AGAP1: variants seen among roughly 807,000 people sequenced by gnomAD.
The protein encoded by AGAP1 is arf-GAP with GTPase, ANK repeat and PH domain-containing protein 1.
In AGAP1, 29 loss-of-function variants were observed where a neutral mutation model predicts 105.3. The ratio of observed to expected loss-of-function variants is 0.28; its 90% CI spans 0.21 to 0.38. AGAP1 has a LOEUF of 0.38. Ranked by LOEUF, AGAP1 falls within the 10% of genes least tolerant of loss-of-function variation. The pLI, the probability that AGAP1 is intolerant of heterozygous loss-of-function variation, is 1.00. For synonymous variants in AGAP1, 509 were observed against 485.9 expected (o/e 1.05, Z -0.63); for missense variants, 998 against 1,165.1 (o/e 0.86, Z 2.09).
rs573035336 is a variant in AGAP1, at chr2:235,668,210, A to G, written c.164-40969A>G. ...TCAAGATAAATAAAGTGAATCACCTAGCAGTCACTCTGACTTATTTCATTA... is the reference window on the plus strand; with the variant it reads ...TCAAGATAAATAAAGTGAATCACCTGGCAGTCACTCTGACTTATTTCATTA... On this transcript the variant is annotated intron_variant, in intron 1 of 17. Transcript: ENST00000304032. Among the ~76,000 whole-genome samples the G allele has an allele frequency of 1.1e-4, 16 of 152,314 alleles. No individual in the cohort carries two copies. In the East Asian group the frequency reaches 2.5e-3, roughly 24 times the overall value.
Position 235,951,791 on chromosome 2 carries a change from T to G in AGAP1, c.1484-16671T>G, listed in dbSNP as rs997951803. ...GAGTTACACCACACCAGTCTCCCAG[T>G]CCCATCACACACAGGCAGTTTTTAC... is the stretch of plus-strand genomic sequence containing the variant. On this transcript the variant is annotated intron_variant, in intron 12 of 17. Transcript: ENST00000304032. The surrounding 1 kb of genome is among the most constrained non-coding windows in gnomAD (Gnocchi z 4.2). 2.0e-5 allele frequency among the ~76,000 whole-genome samples: 3 copies of G among 151,940 alleles called. No individual in the cohort carries two copies. Among genetic ancestry groups the G allele is most frequent in the African/African-American group, 7.3e-5 (3 of 41,360 alleles).
intron 9 of AGAP1, among the ~76,000 whole-genome samples, chr2:235,850,282 A>T (rs1445258400): frequency 6.6e-6 from 1 of 152,216 alleles, no homozygotes; most frequent in Non-Finnish European, 1.5e-5. Context: ...GTGGTCTGTT[A>T]TATCTAAATG....
chr2:235,793,507 T>A lies in AGAP1; in HGVS notation c.674-4252T>A, dbSNP rs572806989. Among the ~76,000 whole-genome samples the A allele has an allele frequency of 2.6e-5, 4 of 152,320 alleles. No individual in the cohort carries two copies. The East Asian group carries it at 7.7e-4, about 29-fold the overall frequency. On this transcript the variant is annotated intron_variant, in intron 6 of 17. Transcript: ENST00000304032. This position sits in a 1 kb window ranked among gnomAD's most constrained non-coding sequence, Gnocchi z 5.3. Reference sequence around the variant, plus strand: ...GGTGTTCGATTGCCACATGGTGGTGTCATGAGCAGTCCCAGAGCCGTCGGA... The same window carrying A: ...GGTGTTCGATTGCCACATGGTGGTGACATGAGCAGTCCCAGAGCCGTCGGA...
chr2:235,576,762 T>C (rs1369343883), intron 1 of AGAP1, among the ~76,000 whole-genome samples: 1 of 152,244 alleles, frequency 6.6e-6, no homozygotes, highest in Non-Finnish European at 1.5e-5. Context: ...CTGCAGCTCC[T>C]CATGGAGAGA....
chr2:235,703,809 C>G (rs1340982264), intron 1 of AGAP1, among the ~76,000 whole-genome samples: 3 of 152,196 alleles, frequency 2.0e-5, no homozygotes, highest in Admixed American at 6.5e-5. Context: ...GTTGACGAGG[C>G]TAGTCTGGAA....
chr2:235,801,820 C>A lies in AGAP1; in HGVS notation c.957+2298C>A, dbSNP rs562489247. Among the ~76,000 whole-genome samples, 5 of 152,168 alleles carry A rather than the reference C, an allele frequency of 3.3e-5. No individual in the cohort carries two copies. The South Asian group carries it at 6.2e-4, about 19-fold the overall frequency. ...GGGGGAGAGCACTCATTCTCAGACG[C>A]CTTCTGAGGGCCACATTTTCTGCTT... is the stretch of plus-strand genomic sequence containing the variant. On this transcript the variant is annotated intron_variant, in intron 8 of 17. Coordinates refer to ENST00000304032, the MANE Select transcript of AGAP1 (RefSeq NM_001037131.3). This position sits in a 1 kb window ranked among gnomAD's most constrained non-coding sequence, Gnocchi z 6.0.
Position 236,062,664 on chromosome 2 carries a change from T to TTG in AGAP1, c.2114+13384_2114+13385insGT, listed in dbSNP as rs570168390. 1.4e-4 allele frequency among the ~76,000 whole-genome samples: 21 copies of TTG among 147,096 alleles called. No homozygotes were observed. The highest frequency in any genetic ancestry group is 5.6e-4 in the African/African-American group (21 of 37,444). ...CTATTTTGTTTGTTTGTTTGTTTGT[T>TTG]TTTGTTTGTTTGTTTGAGATGGAAT... On this transcript the variant is annotated intron_variant, in intron 16 of 17. Coordinates refer to ENST00000304032, the MANE Select transcript of AGAP1 (RefSeq NM_001037131.3). This position sits in a 1 kb window ranked among gnomAD's most constrained non-coding sequence, Gnocchi z 4.2.
chr2:235,558,592 G>A (rs1398554121), intron 1 of AGAP1, among the ~76,000 whole-genome samples: 11 of 152,138 alleles, frequency 7.2e-5, no homozygotes, highest in Admixed American at 7.2e-4. Flanking sequence ...ACCCCAGAGA[G>A]GCCAGCCTAC....
chr2:235,911,556 G>T (rs1446279064), intron 11 of AGAP1, among the ~76,000 whole-genome samples: 1 of 152,206 alleles, frequency 6.6e-6, no homozygotes, highest in African/African-American at 2.4e-5. Flanking sequence ...TGCCACTGTT[G>T]TCCTAAGGGA....
chr2:236,064,583 G>A (rs1325770749), intron 16 of AGAP1, among the ~76,000 whole-genome samples: 2 of 152,124 alleles, frequency 1.3e-5, no homozygotes, highest in African/African-American at 2.4e-5. Flanking sequence ...ACAACAGAGC[G>A]GGACTCCGTC....
chr2:235,670,700 A>T, intron 1 of AGAP1: 1 of 742,846 alleles, frequency 1.3e-6, no homozygotes, highest in Non-Finnish European at 2.3e-6. Context: ...CGCGACCGCC[A>T]CGCAGCCCGC....
Position 235,717,634 on chromosome 2 carries a change from G to A in AGAP1, c.300G>A (p.Glu100=). The change falls in exon 3 of 18, where the codon GAG becomes GAA. Residue 100 remains glutamate, a synonymous_variant. Coordinates refer to ENST00000304032, the MANE Select transcript of AGAP1 (RefSeq NM_001037131.3). ...RYLTGTYVQE[E]SPEGGRFKKE... is the part of the protein sequence containing the mutation. ...TGACGGGCACATATGTCCAGGAGGA[G>A]TCTCCGGAAGGTATGCTGTTTGGCA... The A allele has an allele frequency of 6.2e-7, 1 of 1,601,186 alleles. No individual in the cohort carries two copies. The highest frequency in any genetic ancestry group is 8.5e-7 in the Non-Finnish European group (1 of 1,177,216).
chr2:236,104,698 G>A lies in AGAP1; in HGVS notation c.2115-15494G>A, dbSNP rs2125916934. ...AAGGGCAGGAGGTCAAGTCTAGCCTGGCCAACATGGTGAAACCCCGTCTCT... is the reference window on the plus strand; with the variant it reads ...AAGGGCAGGAGGTCAAGTCTAGCCTAGCCAACATGGTGAAACCCCGTCTCT... On this transcript the variant is annotated intron_variant, in intron 16 of 17. Transcript: ENST00000304032. The surrounding 1 kb of genome is among the most constrained non-coding windows in gnomAD (Gnocchi z 4.7). Among the ~76,000 whole-genome samples, 1 of 152,204 alleles carries A rather than the reference G, an allele frequency of 6.6e-6. No homozygotes were observed. Among genetic ancestry groups the A allele is most frequent in the East Asian group, 1.9e-4 (1 of 5,182 alleles).
intron 1 of AGAP1, among the ~76,000 whole-genome samples, chr2:235,515,515 T>G (rs902487754): frequency 6.6e-6 from 1 of 152,156 alleles, no homozygotes; most frequent in African/African-American, 2.4e-5. Context: ...TCCACTGGAA[T>G]GGGGAAGGGC....
At chr2:235,632,451 G>A (rs374776463) in intron 1 of AGAP1, among the ~76,000 whole-genome samples, 41 of 152,326 alleles carry the variant, frequency 2.7e-4, no homozygotes, top group Non-Finnish European at 4.9e-4. Context: ...CATTACGCTT[G>A]CAGTAGTCAG....
rs760533906 is a variant in AGAP1, at chr2:236,040,753, C to G, written c.1803C>G (p.Ser601=). The G allele has an allele frequency of 1.2e-6, 2 of 1,613,160 alleles. No homozygotes were observed. Among genetic ancestry groups the G allele is most frequent in the Admixed American group, 1.7e-5 (1 of 60,028 alleles). ...TTTGTGTCTTCCTCCGTGCCCAGTCCCGGCTGACGAGCCAGAGCGAGGCCA... is the reference window on the plus strand; with the variant it reads ...TTTGTGTCTTCCTCCGTGCCCAGTCGCGGCTGACGAGCCAGAGCGAGGCCA... ...LQSCESSKNK[S]RLTSQSEAMA... The change falls in exon 15 of 18, where the codon TCC becomes TCG. Residue 601 remains serine, a splice_region_variant and synonymous_variant. Coordinates refer to ENST00000304032, the MANE Select transcript of AGAP1 (RefSeq NM_001037131.3). The surrounding 1 kb of genome is among the most constrained non-coding windows in gnomAD (Gnocchi z 5.6).
intron 1 of AGAP1, among the ~76,000 whole-genome samples, chr2:235,558,399 T>C (rs538427536): frequency 7.2e-5 from 11 of 152,264 alleles, no homozygotes; most frequent in African/African-American, 1.7e-4. Context: ...CTGGGAGATA[T>C]GTGTATGATT....
intron 10 of AGAP1, among the ~76,000 whole-genome samples, chr2:235,903,067 A>G (rs776280833): frequency 2.6e-5 from 4 of 152,206 alleles, no homozygotes; most frequent in Admixed American, 6.5e-5. Context: ...AAAGGCAAGT[A>G]CTGTATCTGA....
chr2:235,540,994 A>G (rs1943415653), intron 1 of AGAP1, among the ~76,000 whole-genome samples: 1 of 152,188 alleles, frequency 6.6e-6, no homozygotes, highest in Non-Finnish European at 1.5e-5. Context: ...TTTTTTTAAT[A>G]CAAGTAATAT....
Sources: allele counts gnomAD v4.1 joint callset (sites outside exome capture counted in the v4.1 genomes callset), GRCh38; gene constraint gnomAD v4.1.1; non-coding constraint Gnocchi (gnomAD v3.1); transcripts MANE v1.5; gene names NCBI Gene and HGNC (gene_info 2026-07-23, HGNC 2026-07-21).